Variants in CDH13 observed in about 807,000 individuals in gnomAD.
CDH13 encodes cadherin-13.
A neutral mutation model predicts 63.8 loss-of-function variants in CDH13; 24 were observed. That is an observed-to-expected ratio of 0.38 (90% CI 0.27 to 0.53). The LOEUF (loss-of-function observed/expected upper bound fraction) is 0.53, where lower values mean the gene tolerates loss of function less well. CDH13 is among the 20% of genes least tolerant of loss of function. The probability of loss-of-function intolerance (pLI) is 0.85; values close to 1 mark genes in which losing one functional copy is unlikely to be tolerated. For synonymous variants in CDH13, 503 were observed against 355.3 expected (o/e 1.42, Z -4.67); for missense variants, 1,049 against 903.1 (o/e 1.16, Z -2.07).
At chr16:83,037,896 G>T (rs1917005885) in intron 3 of CDH13, among the ~76,000 whole-genome samples, 1 of 152,174 alleles carries the variant, frequency 6.6e-6, no homozygotes, top group Non-Finnish European at 1.5e-5. Flanking sequence ...CCTGGGCATA[G>T]CACCAGACAT....
intron 1 of CDH13, among the ~76,000 whole-genome samples, chr16:82,770,757 G>T (rs1250315580): frequency 6.6e-6 from 1 of 152,118 alleles, no homozygotes; most frequent in Non-Finnish European, 1.5e-5. Flanking sequence ...GCCCAAGCTG[G>T]AGTGCAGTGG....
chr16:82,823,890 C>G (rs1401692184), intron 1 of CDH13: 1 of 152,070 alleles, frequency 6.6e-6, no homozygotes, highest in Non-Finnish European at 1.5e-5. Flanking sequence ...TTCATGTATT[C>G]TCTTTCTACT....
chr16:83,726,781 T>C (rs1910451924), intron 10 of CDH13, among the ~76,000 whole-genome samples: 1 of 151,432 alleles, frequency 6.6e-6, no homozygotes, highest in Non-Finnish European at 1.5e-5. Flanking sequence ...GAGCTTGTAG[T>C]GAGCGGAGAT....
intron 5 of CDH13, among the ~76,000 whole-genome samples, chr16:83,233,189 T>C (rs374401912): frequency 1.2e-4 from 19 of 152,342 alleles, no homozygotes; most frequent in African/African-American, 4.3e-4. Flanking sequence ...AAAATTGCTT[T>C]TCTTTCCCAG....
intron 5 of CDH13, among the ~76,000 whole-genome samples, chr16:83,294,795 C>G (rs77254851): frequency 0.035 from 5,397 of 152,032 alleles, 309 homozygotes; most frequent in African/African-American, 0.12. Context: ...TGTTAAAATG[C>G]CCGTACTACC....
At chr16:83,056,461 T>C (rs1249301011) in intron 3 of CDH13, among the ~76,000 whole-genome samples, 1 of 150,292 alleles carries the variant, frequency 6.7e-6, no homozygotes, top group Admixed American at 6.6e-5. Flanking sequence ...ACCAAATACA[T>C]AGCAAAAAAA....
At chr16:82,902,856 A>G (rs1459561678) in intron 2 of CDH13, among the ~76,000 whole-genome samples, 1 of 152,116 alleles carries the variant, frequency 6.6e-6, no homozygotes, top group African/African-American at 2.4e-5. Flanking sequence ...TCCAATATAA[A>G]CTGCCAACAG....
At chr16:82,890,206 T>A (rs192282447) in intron 2 of CDH13, among the ~76,000 whole-genome samples, 9 of 152,294 alleles carry the variant, frequency 5.9e-5, no homozygotes, top group Non-Finnish European at 1.2e-4. Context: ...ATACTTAACA[T>A]GGAAAATTAA....
In CDH13 at chr16:83,795,589, C is replaced by T. The variant is rs945932467; in HGVS notation, c.*559C>T. The T allele has an allele frequency of 3.9e-5, 6 of 152,732 alleles. No homozygotes were observed. Among genetic ancestry groups the T allele is most frequent in the Non-Finnish European group, 8.8e-5 (6 of 68,482 alleles). 9.5% of individuals were successfully genotyped at this position (152,732 alleles called of 1,614,324 possible). On this transcript the variant is annotated 3_prime_UTR_variant, in exon 14 of 14. Coordinates refer to ENST00000567109, the MANE Select transcript of CDH13 (RefSeq NM_001257.5). ...TGTCACTTTTGCTCCGAAGCTACTT[C>T]TCCACTGTCCCGTTCAGTCTGAATG...
chr16:83,636,328 T>C (rs1253201506), intron 8 of CDH13, among the ~76,000 whole-genome samples: 1 of 152,194 alleles, frequency 6.6e-6, no homozygotes, highest in African/African-American at 2.4e-5. Context: ...TACTTTAGAT[T>C]GCAGGAATAC....
At chr16:83,447,427 G>A (rs28522452) in intron 6 of CDH13, among the ~76,000 whole-genome samples, 1 of 151,542 alleles carries the variant, frequency 6.6e-6, no homozygotes, top group South Asian at 2.1e-4. Flanking sequence ...AAAAAACAAA[G>A]AAAAAAAAGT....
At chr16:82,881,657 A>G (rs569724115) in intron 2 of CDH13, among the ~76,000 whole-genome samples, 2 of 152,310 alleles carry the variant, frequency 1.3e-5, no homozygotes, top group South Asian at 2.1e-4. Flanking sequence ...TACAGAATTC[A>G]CTACAGTCAT....
chr16:82,918,506 CTTTTTTTT>C (rs34099579), intron 2 of CDH13, among the ~76,000 whole-genome samples: 1 of 119,726 alleles, frequency 8.4e-6, no homozygotes, highest in Non-Finnish European at 1.8e-5. Flanking sequence ...TACACTTTCA[CTTTTTTTT>C]TTTTTTTTTT....
At chr16:83,276,414 T>C (rs999801464) in intron 5 of CDH13, among the ~76,000 whole-genome samples, 1 of 152,178 alleles carries the variant, frequency 6.6e-6, no homozygotes, top group Non-Finnish European at 1.5e-5. Flanking sequence ...GAGCCAGTGA[T>C]TGCCTCTCAA....
At chr16:83,185,012 T>G (rs12921349) in intron 4 of CDH13, among the ~76,000 whole-genome samples, 76,440 of 151,688 alleles carry the variant, frequency 0.5, 21,992 homozygotes, top group African/African-American at 0.8. Context: ...ATATACACTT[T>G]CCTCTATCTT....
At chr16:83,679,954 C>T (rs537407874) in intron 10 of CDH13, among the ~76,000 whole-genome samples, 1 of 152,212 alleles carries the variant, frequency 6.6e-6, no homozygotes, top group South Asian at 2.1e-4. Flanking sequence ...GTCTGGGACC[C>T]AGGACTAGAT....
At chr16:82,827,810 G>A (rs1200399107) in intron 1 of CDH13, among the ~76,000 whole-genome samples, 1 of 152,222 alleles carries the variant, frequency 6.6e-6, no homozygotes, top group Non-Finnish European at 1.5e-5. Context: ...GAAAATAGTA[G>A]TGAGATTTAT....
intron 1 of CDH13, among the ~76,000 whole-genome samples, chr16:82,652,359 C>T (rs1455902534): frequency 1.3e-5 from 2 of 152,134 alleles, no homozygotes; most frequent in Admixed American, 6.5e-5. Flanking sequence ...TTGTTCATGA[C>T]AAGATGAGAA....
intron 1 of CDH13, among the ~76,000 whole-genome samples, chr16:82,687,859 C>A (rs1915238234): frequency 6.6e-6 from 1 of 152,098 alleles, no homozygotes; most frequent in African/African-American, 2.4e-5. Flanking sequence ...GGGGTAGGAG[C>A]AGAGCCAGGG....
Sources: gnomAD v4.1 joint callset for allele counts (sites outside exome capture counted in the v4.1 genomes callset) on GRCh38, gnomAD v4.1.1 for gene constraint, MANE v1.5 for transcripts, NCBI Gene and HGNC (gene_info 2026-07-23, HGNC 2026-07-21) for gene names.